Variants in GAD1 observed in about 807,000 individuals in gnomAD.
The protein encoded by GAD1 is glutamate decarboxylase 1.
GAD1 carries 35 observed loss-of-function variants against 75.2 expected under a neutral mutation model. The ratio of observed to expected loss-of-function variants is 0.47; its 90% CI spans 0.36 to 0.62. The LOEUF (loss-of-function observed/expected upper bound fraction) is 0.62. Ranked by LOEUF, GAD1 falls within the 20% of genes least tolerant of loss-of-function variation. GAD1 has a pLI of 0.00. For missense variants in GAD1, 490 were observed against 758.5 expected, an observed-to-expected ratio of 0.65 and a Z score of 4.16; for synonymous variants, 257 against 271.9, an observed-to-expected ratio of 0.95 and a Z score of 0.54.
chr2:170,829,247 T>G, intron 3 of GAD1: 2 of 575,286 alleles, frequency 3.5e-6, no homozygotes, highest in Non-Finnish European at 6.2e-6. Context: ...TCACTTACTG[T>G]TTTTCTCTCT....
intron 4 of GAD1, among the ~76,000 whole-genome samples, chr2:170,830,029 A>G (rs1420508973): frequency 6.6e-6 from 1 of 152,162 alleles, no homozygotes; most frequent in Non-Finnish European, 1.5e-5. Context: ...TGAGCCTCAT[A>G]ACCAACGAGT....
chr2:170,822,751 G>A (rs1403720562), intron 3 of GAD1, among the ~76,000 whole-genome samples: 1 of 152,220 alleles, frequency 6.6e-6, no homozygotes, highest in Admixed American at 6.5e-5. Context: ...TGGGGCTTCG[G>A]AGGCTAAAGA....
intron 15 of GAD1, among the ~76,000 whole-genome samples, chr2:170,857,550 A>AGCCTGGGCAACATAGCAAGACCC (rs1702877191): frequency 2.0e-5 from 3 of 152,202 alleles, no homozygotes; most frequent in Admixed American, 1.3e-4. Context: ...GCTCAAGACC[A>AGCCTGGGCAACATAGCAAGACCC]GCCTGGGCAA....
rs181512299 is a variant in GAD1 at position 170,818,930 on chromosome 2, G to T, written c.82+257G>T. On this transcript the variant is annotated intron_variant, in intron 2 of 16. Transcript: ENST00000358196. This position sits in a 1 kb window ranked among gnomAD's most constrained non-coding sequence, Gnocchi z 5.9. Reference sequence around the variant, plus strand: ...TCGTTGAGGGCTTCGCGGAGGAGGAGGGGCGCGCAGCCAGGGTGTTGTTTT... The same window carrying T: ...TCGTTGAGGGCTTCGCGGAGGAGGATGGGCGCGCAGCCAGGGTGTTGTTTT... Among the ~76,000 whole-genome samples, 31 of 152,296 alleles carry T rather than the reference G, an allele frequency of 2.0e-4. No homozygotes were observed. In the East Asian group the frequency reaches 5.8e-3, roughly 28 times the overall value.
At chr2:170,858,951 C>T (rs1702907651) in intron 16 of GAD1, 58 bp downstream of exon 16, 1 of 1,432,894 alleles carries the variant, frequency 7.0e-7, no homozygotes, top group Admixed American at 1.7e-5. Flanking sequence ...CTGGTCAGGA[C>T]ATCCTCATTC....
intron 12 of GAD1, 176 bp from the exon 13 acceptor site, chr2:170,852,537 TA>T: frequency 1.5e-6 from 1 of 661,778 alleles, no homozygotes; most frequent in Non-Finnish European, 2.8e-6. Context: ...ATATAGTCCG[TA>T]ATGTAATACT....
At position 170,852,771 on chromosome 2, in the gene GAD1, T is replaced by C; in HGVS notation, c.1242T>C (p.Ser414=). 6.2e-7 allele frequency: 1 copy of C among 1,614,208 alleles called. No individual in the cohort carries two copies. Among genetic ancestry groups the C allele is most frequent in the Non-Finnish European group, 8.5e-7 (1 of 1,180,024 alleles). The change falls in exon 13 of 17, where the codon TCT becomes TCC. Residue 414 remains serine (S), a synonymous_variant. Coordinates refer to ENST00000358196, the MANE Select transcript of GAD1 (RefSeq NM_000817.3). ...HKMMGVLLQC[S]AILVKEKGIL... ...TGATGGGCGTGCTGTTGCAGTGCTC[T>C]GCCATTCTCGTCAAGGAAAAGGTCT... is the stretch of plus-strand genomic sequence containing the variant.
At chr2:170,848,884 T>C (rs1702693272) in intron 11 of GAD1, 1 of 478,354 alleles carries the variant, frequency 2.1e-6, no homozygotes, top group African/African-American at 2.0e-5. Flanking sequence ...TTTCAGGAGC[T>C]GTTAGAATTC....
At chr2:170,845,442 G>T (rs572469682) in intron 7 of GAD1, 64 bp from the exon 8 acceptor site, 3 of 1,364,696 alleles carry the variant, frequency 2.2e-6, no homozygotes, top group East Asian at 2.3e-5. Flanking sequence ...CCAGCTCAGC[G>T]TTCGTTTTTA....
chr2:170,817,594 C>T (rs1701742810), intron 1 of GAD1: 1 of 152,282 alleles, frequency 6.6e-6, no homozygotes, highest in Non-Finnish European at 1.5e-5. Context: ...GTCCCGGGGC[C>T]TTCGGGCGCC....
rs191944357 is a variant in GAD1, at chr2:170,856,211, C to T, written c.1414-807C>T. On this transcript the variant is annotated intron_variant, in intron 14 of 16. Transcript: ENST00000358196. The stretch of plus-strand genomic sequence containing the variant: ...GTGCATCTGCTCTCCTTGTTAACAC[C>T]GACCCACTCAACAACCCTCATACTG... Among the ~76,000 whole-genome samples the T allele has an allele frequency of 1.2e-4, 19 of 152,304 alleles. No individual in the cohort carries two copies. In the South Asian group the frequency reaches 3.1e-3, roughly 25 times the overall value.
rs1702163761 is a variant in GAD1 at position 170,829,467 on chromosome 2, T to C, written c.146-8T>C. The C allele has an allele frequency of 1.2e-6, 2 of 1,612,458 alleles. No individual in the cohort carries two copies. Among genetic ancestry groups the C allele is most frequent in the African/African-American group, 2.7e-5 (2 of 74,904 alleles). On this transcript the variant is annotated splice_region_variant and splice_polypyrimidine_tract_variant and intron_variant, in intron 3 of 16. Coordinates refer to ENST00000358196, the MANE Select transcript of GAD1 (RefSeq NM_000817.3). ...AGCACTCTCTCTGACCAGCTTCTTG[T>C]GCCATAGGCTTCTTGCAAAGGACCA...
chr2:170,845,666 G>T (rs1383093027), intron 8 of GAD1, 40 bp from the exon 9 acceptor site: 1 of 1,612,972 alleles, frequency 6.2e-7, no homozygotes, highest in East Asian at 2.2e-5. Flanking sequence ...TTTTTTAGGG[G>T]ACTTTCCAAC....
intron 6 of GAD1, among the ~76,000 whole-genome samples, chr2:170,837,718 AT>A (rs1702411564): frequency 1.3e-5 from 2 of 151,748 alleles, no homozygotes; most frequent in South Asian, 4.2e-4. Flanking sequence ...CAAAACAAAT[AT>A]CTTATAATAA....
intron 2 of GAD1, among the ~76,000 whole-genome samples, chr2:170,819,486 G>A (rs1701807286): frequency 6.6e-6 from 1 of 151,980 alleles, no homozygotes; most frequent in African/African-American, 2.4e-5. Flanking sequence ...TAAAAGAGGG[G>A]GGAGGATTTA....
intron 5 of GAD1, among the ~76,000 whole-genome samples, chr2:170,833,280 C>A (rs942718919): frequency 1.3e-5 from 2 of 152,180 alleles, no homozygotes; most frequent in Non-Finnish European, 2.9e-5. Context: ...TGAGGAATCC[C>A]AGAGAGCTGC....
At chr2:170,832,768 C>T (rs1005901717) in intron 5 of GAD1, among the ~76,000 whole-genome samples, 1 of 152,074 alleles carries the variant, frequency 6.6e-6, no homozygotes, top group Non-Finnish European at 1.5e-5. Context: ...ATTCTATTTC[C>T]AGTGGGAGTC....
chr2:170,820,180 G>A (rs1485574671), intron 2 of GAD1, among the ~76,000 whole-genome samples: 1 of 152,110 alleles, frequency 6.6e-6, no homozygotes, highest in South Asian at 2.1e-4. Flanking sequence ...GGGTGGGGGT[G>A]GGGGGTTAGC....
rs1004912957 is a variant in GAD1 at position 170,822,633 on chromosome 2, A to G, written c.145+484A>G. Among the ~76,000 whole-genome samples, 16 of 152,306 alleles carry G rather than the reference A, an allele frequency of 1.1e-4. No homozygotes were observed. The East Asian group carries it at 2.9e-3, about 28-fold the overall frequency. The stretch of plus-strand genomic sequence containing the variant: ...TCCCCCATCCCCTACATCATCGCCT[A>G]CCCCTCACTCGCACCTCCACCCGCG... On this transcript the variant is annotated intron_variant, in intron 3 of 16. Coordinates refer to ENST00000358196, the MANE Select transcript of GAD1 (RefSeq NM_000817.3).
Sources: allele counts gnomAD v4.1 joint callset (sites outside exome capture counted in the v4.1 genomes callset), GRCh38; gene constraint gnomAD v4.1.1; non-coding constraint Gnocchi (gnomAD v3.1); transcripts MANE v1.5; gene names NCBI Gene and HGNC (gene_info 2026-07-23, HGNC 2026-07-21).